The following MROH2A variants were observed in gnomAD, a reference collection of about 807,000 sequenced individuals.
The protein encoded by MROH2A is maestro heat like repeat family member 2A, also known as maestro heat-like repeat-containing protein family member 2A.
Under a neutral mutation model 200.4 loss-of-function variants are expected in MROH2A, and 174 were observed. The ratio of observed to expected loss-of-function variants is 0.87; its 90% CI spans 0.77 to 0.98. The LOEUF (loss-of-function observed/expected upper bound fraction) is 0.98, where lower values mean the gene tolerates loss of function less well. Among genes scored for constraint, MROH2A ranks in the 50% least tolerant of loss-of-function variants. MROH2A has a pLI of 0.00. For missense variants in MROH2A, 2,045 were observed against 2,139.6 expected (o/e 0.96, Z 0.87); for synonymous variants, 829 against 840.4 (o/e 0.99, Z 0.23).
chr2:233,820,366 C>T lies in MROH2A; in HGVS notation c.3512+310C>T, dbSNP rs1026776133. ...GCCCTTTCCTTCCCTGTGAACAGAG[C>T]TCCAGCAGATGGGCTGCAGGGTGCG... is the stretch of plus-strand genomic sequence containing the variant. On this transcript the variant is annotated intron_variant, in intron 31 of 41. Coordinates refer to ENST00000389758, the MANE Select transcript of MROH2A (RefSeq NM_001394639.1). This position sits in a 1 kb window ranked among gnomAD's most constrained non-coding sequence, Gnocchi z 4.1. Among the ~76,000 whole-genome samples the T allele has an allele frequency of 2.0e-5, 3 of 152,130 alleles. No individual in the cohort carries two copies. The highest frequency in any genetic ancestry group is 2.9e-5 in the Non-Finnish European group (2 of 68,038).
At chr2:233,776,236 A>T (rs1024179398), upstream of MROH2A, among the ~76,000 whole-genome samples, 4 of 152,128 alleles carry the variant, frequency 2.6e-5, no homozygotes, top group African/African-American at 9.7e-5. Context: ...TTTCCTGGGT[A>T]GTTCCCATAG....
chr2:233,792,087 G>A (rs370081802), intron 5 of MROH2A, among the ~76,000 whole-genome samples: 7 of 151,968 alleles, frequency 4.6e-5, no homozygotes, highest in Admixed American at 2.6e-4. Context: ...TTCTGTGTTC[G>A]CCCAAGAACG....
chr2:233,812,110 A>G (rs946916649), intron 24 of MROH2A, among the ~76,000 whole-genome samples, 151 bp downstream of exon 24: 7 of 152,126 alleles, frequency 4.6e-5, no homozygotes, highest in Admixed American at 1.3e-4. Context: ...GCAATGGGCC[A>G]GCCTAGATGA....
At chr2:233,809,083 C>T in intron 21 of MROH2A, 43 bp from the exon 22 acceptor site, 1 of 1,525,598 alleles carries the variant, frequency 6.6e-7, no homozygotes, top group Non-Finnish European at 8.9e-7. Flanking sequence ...TCTGGAGCAG[C>T]CCCTGCTGCC....
rs777083371 is a variant in MROH2A, at chr2:233,802,434, C to T, written c.1708+119C>T. On this transcript the variant is annotated intron_variant, in intron 15 of 41. Transcript: ENST00000389758. ...CATTCCCCCTTCTCCTGGAAACATCCAAGTCCAAATTAATACTATTAATGC... is the reference window on the plus strand; with the variant it reads ...CATTCCCCCTTCTCCTGGAAACATCTAAGTCCAAATTAATACTATTAATGC... 3.0e-5 allele frequency: 36 copies of T among 1,186,252 alleles called. No homozygotes were observed. The Admixed American group carries it at 3.5e-4, about 12-fold the overall frequency. The allele number at this position is 1,186,252 out of a possible 1,614,324, so 73.5% of individuals were successfully genotyped here. A position where few individuals can be genotyped will look rare whatever the true frequency, so the allele number is the denominator to read the frequency against.
intron 14 of MROH2A, 117 bp downstream of exon 14, chr2:233,800,432 G>A (rs973617652): frequency 7.5e-5 from 49 of 655,426 alleles, no homozygotes; most frequent in Admixed American, 2.3e-4. Flanking sequence ...GGAGTGTTGA[G>A]GGGCCTTCCT....
Position 233,828,982 on chromosome 2 carries a change from C to T in MROH2A, c.4356C>T (p.Ala1452=), listed in dbSNP as rs780901998. ...GCGTGACTGCCGAGGGCATGGAGGCCCTGACCAAGATCCTGGCTGAGCTCC... is the reference window on the plus strand; with the variant it reads ...GCGTGACTGCCGAGGGCATGGAGGCTCTGACCAAGATCCTGGCTGAGCTCC... The part of the protein sequence containing the change: ...SNSVTAEGME[A]LTKILAELRE... The change falls in exon 37 of 42, where the codon GCC becomes GCT. Residue 1452 remains alanine, a synonymous_variant. Transcript: ENST00000389758. The surrounding 1 kb of genome is among the most constrained non-coding windows in gnomAD (Gnocchi z 4.6). 26 of 1,550,388 alleles carry T rather than the reference C, an allele frequency of 1.7e-5. 1 individual carries two copies. In the South Asian group the frequency reaches 2.6e-4, roughly 16 times the overall value.
At chr2:233,801,409 C>T (rs1262846555) in intron 14 of MROH2A, among the ~76,000 whole-genome samples, 1 of 152,166 alleles carries the variant, frequency 6.6e-6, no homozygotes, top group Non-Finnish European at 1.5e-5. Context: ...GTTGGAAACA[C>T]AGCTCCAAGA....
intron 11 of MROH2A, 31 bp downstream of exon 11, chr2:233,796,344 G>A (rs1702112036): frequency 1.3e-6 from 1 of 759,044 alleles, no homozygotes; most frequent in Non-Finnish European, 2.1e-6. Flanking sequence ...GGGGTGGGCG[G>A]GGAGGGTGGG....
chr2:233,810,803 C>T lies in MROH2A; in HGVS notation c.2458C>T (p.Leu820Phe), dbSNP rs1473826270. 3 of 1,550,202 alleles carry T rather than the reference C, an allele frequency of 1.9e-6. No individual in the cohort carries two copies. The highest frequency in any genetic ancestry group is 1.4e-5 in the African/African-American group (1 of 73,036). The change falls in exon 23 of 42, where the codon CTC (leucine) becomes TTC (phenylalanine). Residue 820 changes from leucine (L) to phenylalanine (F), a missense_variant. Around this residue, in one of 3 missense-constraint regions of MROH2A, gnomAD observed 1,201 missense variants for 1,311.3 expected, o/e 0.92. Transcript: ENST00000389758. ...CCCCTTCTGGGCTCAGGACATCTGTCTCAAAATGGCCTTCATGAAGAGTGT... is the reference window on the plus strand; with the variant it reads ...CCCCTTCTGGGCTCAGGACATCTGTTTCAAAATGGCCTTCATGAAGAGTGT... ...HYVSSCQDIC[L>F]KMAFMKSVVQ...
chr2:233,829,238 T>C (rs903852404), intron 37 of MROH2A, among the ~76,000 whole-genome samples, 166 bp downstream of exon 37: 1 of 152,190 alleles, frequency 6.6e-6, no homozygotes, highest in African/African-American at 2.4e-5. Flanking sequence ...GGTATTCTTC[T>C]AAGTTCCAGA....
chr2:233,825,167 A>G (rs899449256), intron 35 of MROH2A, among the ~76,000 whole-genome samples: 2 of 152,136 alleles, frequency 1.3e-5, no homozygotes, highest in African/African-American at 4.8e-5. Flanking sequence ...CTGCAGATTG[A>G]TTTTGTATCC....
Position 233,822,995 on chromosome 2 carries a change from G to A in MROH2A, c.3981G>A (p.Leu1327=). 6.4e-7 allele frequency: 1 copy of A among 1,550,476 alleles called. No homozygotes were observed. The highest frequency in any genetic ancestry group is 8.7e-7 in the Non-Finnish European group (1 of 1,146,964). ...TCCTGCAGGACGGCGGGACATTCCTGGAGGGTGTGAGCCTGCTGGCCAGGT... is the reference window on the plus strand; with the variant it reads ...TCCTGCAGGACGGCGGGACATTCCTAGAGGGTGTGAGCCTGCTGGCCAGGT... The part of the protein sequence containing the change: ...WDLLQDGGTF[L]EGVSLLARLC... Residue 1327 remains leucine, a synonymous_variant, in exon 34 of 42, where the codon CTG becomes CTA. Transcript: ENST00000389758.
At chr2:233,824,156 C>T (rs1416082403) in intron 35 of MROH2A, among the ~76,000 whole-genome samples, 1 of 152,226 alleles carries the variant, frequency 6.6e-6, no homozygotes, top group Non-Finnish European at 1.5e-5. Flanking sequence ...AAATTTTTGG[C>T]TTTGTGGCCA....
In MROH2A at chr2:233,807,041, C is replaced by T. The variant is rs529399660; in HGVS notation, c.2053-382C>T. On this transcript the variant is annotated intron_variant, in intron 19 of 41. Coordinates refer to ENST00000389758, the MANE Select transcript of MROH2A (RefSeq NM_001394639.1). The surrounding 1 kb of genome is among the most constrained non-coding windows in gnomAD (Gnocchi z 4.3). ...CCCACTTATGAGTGAGAACATACGA[C>T]GTTTGGTTTTCCATTCCTAAGTTAC... is the stretch of plus-strand genomic sequence containing the variant. 3.5e-4 allele frequency among the ~76,000 whole-genome samples: 53 copies of T among 152,162 alleles called. No homozygotes were observed. Among genetic ancestry groups the T allele is most frequent in the African/African-American group, 1.0e-3 (42 of 41,518 alleles).
chr2:233,833,346 GA>G lies in MROH2A; in HGVS notation c.*92del. On this transcript the variant is annotated 3_prime_UTR_variant, in exon 42 of 42. Transcript: ENST00000389758. ...AGTTTGTAAGAAGTTTAGTTTGTAG[GA>G]AAAACACTATTGTAAAATAACTAGT... The G allele has an allele frequency of 7.5e-7, 1 of 1,342,200 alleles. No homozygotes were observed. Among genetic ancestry groups the G allele is most frequent in the South Asian group, 1.6e-5 (1 of 61,178 alleles). The allele number at this position is 1,342,200 out of a possible 1,614,324, so 83.1% of individuals were successfully genotyped here.
At chr2:233,826,965 GA>G (rs1448311549) in intron 35 of MROH2A, among the ~76,000 whole-genome samples, 2 of 152,186 alleles carry the variant, frequency 1.3e-5, no homozygotes, top group South Asian at 4.2e-4. Flanking sequence ...ATAAACATAT[GA>G]AAAAAAGCTA....
chr2:233,789,876 G>T lies in MROH2A; in HGVS notation c.433G>T (p.Val145Leu). The change falls in exon 5 of 42, where the codon GTG becomes TTG. Residue 145 changes from valine to leucine, a missense_variant. Around this residue, in one of 3 missense-constraint regions of MROH2A, gnomAD observed 831 missense variants for 800.0 expected, o/e 1.04. Coordinates refer to ENST00000389758, the MANE Select transcript of MROH2A (RefSeq NM_001394639.1). ...GATGGAGGGCTATATGAAGGCAGAG[G>T]TGGCCAGCGACACACTGGTGGCTCT... ...PEMEGYMKAE[V>L]ASDTLVALSR... 1 of 1,550,260 alleles carries T rather than the reference G, an allele frequency of 6.5e-7. No homozygotes were observed. The highest frequency in any genetic ancestry group is 1.2e-5 in the South Asian group (1 of 84,038).
chr2:233,779,940 G>A, intron 3 of MROH2A, 88 bp downstream of exon 3: 1 of 1,125,988 alleles, frequency 8.9e-7, no homozygotes, highest in Non-Finnish European at 1.3e-6. Flanking sequence ...GACTATCAGA[G>A]ATGTGATGTG....
Sources: gnomAD v4.1 joint callset for allele counts (sites outside exome capture counted in the v4.1 genomes callset) on GRCh38, gnomAD v4.1.1 for gene constraint, gnomAD v4.1.1 regional missense constraint, Gnocchi (gnomAD v3.1) non-coding constraint, MANE v1.5 for transcripts, NCBI Gene and HGNC (gene_info 2026-07-23, HGNC 2026-07-21) for gene names.